Variants in PTPRD observed in about 807,000 individuals in gnomAD.
The protein encoded by PTPRD is protein tyrosine phosphatase receptor type D.
PTPRD carries 34 observed loss-of-function variants against 214.5 expected under a neutral mutation model. The ratio of observed to expected loss-of-function variants is 0.16; its 90% CI spans 0.12 to 0.21. The LOEUF (loss-of-function observed/expected upper bound fraction) is 0.21. Ranked by LOEUF, PTPRD falls within the 10% of genes least tolerant of loss-of-function variation. The pLI is 1.00. For synonymous variants in PTPRD, 1,128 were observed against 845.7 expected, an observed-to-expected ratio of 1.33 and a Z score of -5.79; for missense variants, 2,545 against 2,398.7, an observed-to-expected ratio of 1.06 and a Z score of -1.27.
chr9:9,495,543 C>T (rs2096138609), intron 8 of PTPRD, among the ~76,000 whole-genome samples: 1 of 147,662 alleles, frequency 6.8e-6, no homozygotes, highest in African/African-American at 2.7e-5. Context: ...GGAGAGACAG[C>T]TGGACCTCAG....
chr9:9,429,739 G>A (rs1288302924), intron 8 of PTPRD, among the ~76,000 whole-genome samples: 1 of 152,122 alleles, frequency 6.6e-6, no homozygotes, highest in Non-Finnish European at 1.5e-5. Context: ...ATGCAATGCT[G>A]GTTCAACATA....
At chr9:10,575,195 T>C (rs1342020035) in intron 2 of PTPRD, among the ~76,000 whole-genome samples, 2 of 152,038 alleles carry the variant, frequency 1.3e-5, no homozygotes, top group African/African-American at 4.8e-5. Flanking sequence ...GTAGGTCCTT[T>C]CAAAGATTAG....
chr9:8,498,020 A>G (rs2136666405), intron 25 of PTPRD, among the ~76,000 whole-genome samples: 1 of 152,326 alleles, frequency 6.6e-6, no homozygotes, highest in South Asian at 2.1e-4. Flanking sequence ...TTTTATAGGC[A>G]CTACATAATA....
At chr9:9,481,569 AAAAT>A (rs1400615143) in intron 8 of PTPRD, among the ~76,000 whole-genome samples, 94 of 152,266 alleles carry the variant, frequency 6.2e-4, no homozygotes, top group Middle Eastern at 3.4e-3. Context: ...AATGAATATA[AAAAT>A]AAATATATAA....
chr9:10,339,031 T>A (rs1411545807), intron 3 of PTPRD, among the ~76,000 whole-genome samples: 2 of 151,776 alleles, frequency 1.3e-5, no homozygotes, highest in East Asian at 1.9e-4. Flanking sequence ...TCAGCTGTCA[T>A]TACTTGCAAG....
chr9:8,629,426 C>T (rs1203753025), intron 14 of PTPRD, among the ~76,000 whole-genome samples: 1 of 151,806 alleles, frequency 6.6e-6, no homozygotes, highest in African/African-American at 2.4e-5. Flanking sequence ...TATCTTTAGT[C>T]AGGAAGAAAT....
intron 11 of PTPRD, among the ~76,000 whole-genome samples, chr9:8,866,528 T>G (rs1412150541): frequency 1.3e-5 from 2 of 152,126 alleles, no homozygotes; most frequent in African/African-American, 4.8e-5. Flanking sequence ...AAAAAAAACC[T>G]CAGTGGTTCA....
chr9:10,256,319 AAC>A (rs1266974026), intron 3 of PTPRD, among the ~76,000 whole-genome samples: 2 of 151,420 alleles, frequency 1.3e-5, no homozygotes, highest in East Asian at 1.9e-4. Context: ...CGGGGGTAAT[AAC>A]ACACATGCAG....
intron 2 of PTPRD, among the ~76,000 whole-genome samples, chr9:10,380,397 T>A (rs995056048): frequency 3.3e-5 from 5 of 152,068 alleles, no homozygotes. Context: ...GTTTTGAACA[T>A]GATTTTCAAT....
At position 10,594,173 on chromosome 9, in the gene PTPRD, T is replaced by C. The variant is rs181926103; in HGVS notation, c.-600+18225A>G. ...GCCTAAACAAGCAGATTACATAATC[T>C]ACTTTACTATAATTACAGAGGACAC... On this transcript the variant is annotated intron_variant, in intron 2 of 45. Coordinates refer to ENST00000381196, the MANE Select transcript of PTPRD (RefSeq NM_002839.4). Among the ~76,000 whole-genome samples the C allele has an allele frequency of 1.6e-3, 244 of 152,122 alleles. 2 individuals carry two copies. Among genetic ancestry groups the C allele is most frequent in the African/African-American group, 5.7e-3 (237 of 41,552 alleles).
At chr9:10,073,544 A>AAAAGAG (rs1332511420) in intron 3 of PTPRD, among the ~76,000 whole-genome samples, 1 of 152,148 alleles carries the variant, frequency 6.6e-6, no homozygotes, top group Non-Finnish European at 1.5e-5. Flanking sequence ...TTTAGTTAAT[A>AAAAGAG]AAAGAGAAAG....
At chr9:8,624,969 C>T (rs957479497) in intron 14 of PTPRD, among the ~76,000 whole-genome samples, 4 of 151,750 alleles carry the variant, frequency 2.6e-5, no homozygotes, top group Admixed American at 6.6e-5. Flanking sequence ...TGCATTGTAT[C>T]TACATAACCA....
At chr9:8,579,424 G>A (rs577055133) in intron 14 of PTPRD, among the ~76,000 whole-genome samples, 7 of 151,972 alleles carry the variant, frequency 4.6e-5, no homozygotes, top group African/African-American at 1.7e-4. Flanking sequence ...AAATACCTTG[G>A]GTCAAAATAT....
chr9:10,251,968 A>G (rs904787975), intron 3 of PTPRD, among the ~76,000 whole-genome samples: 1 of 152,158 alleles, frequency 6.6e-6, no homozygotes, highest in African/African-American at 2.4e-5. Context: ...AAAGTTTCTA[A>G]AAGAGTAGTT....
At chr9:9,643,744 A>G (rs911367520) in intron 7 of PTPRD, among the ~76,000 whole-genome samples, 2 of 152,228 alleles carry the variant, frequency 1.3e-5, no homozygotes, top group Non-Finnish European at 2.9e-5. Context: ...CAGAAGCTAT[A>G]TGAATGATTG....
chr9:10,168,309 A>T (rs568431762), intron 3 of PTPRD, among the ~76,000 whole-genome samples: 2 of 152,126 alleles, frequency 1.3e-5, no homozygotes, highest in East Asian at 3.9e-4. Flanking sequence ...ATGAGATGTA[A>T]AAGATCTGCT....
chr9:9,950,095 A>G (rs1222850950), intron 4 of PTPRD, among the ~76,000 whole-genome samples: 1 of 152,152 alleles, frequency 6.6e-6, no homozygotes, highest in Non-Finnish European at 1.5e-5. Flanking sequence ...GTATCACGTC[A>G]GGTTTCCCTG....
At chr9:9,114,510 T>C (rs1202396920) in intron 10 of PTPRD, among the ~76,000 whole-genome samples, 4 of 152,122 alleles carry the variant, frequency 2.6e-5, no homozygotes, top group African/African-American at 9.7e-5. Context: ...TGATTTCATC[T>C]TGGCTAACAC....
chr9:9,332,523 A>T (rs1345907179), intron 9 of PTPRD, among the ~76,000 whole-genome samples: 1 of 151,834 alleles, frequency 6.6e-6, no homozygotes, highest in African/African-American at 2.4e-5. Context: ...GAGGAAAGAT[A>T]ATCTGTTTCA....
Sources: allele counts gnomAD v4.1 joint callset (sites outside exome capture counted in the v4.1 genomes callset), GRCh38; gene constraint gnomAD v4.1.1; transcripts MANE v1.5; gene names NCBI Gene and HGNC (gene_info 2026-07-23, HGNC 2026-07-21).